Variants in GRIP1 observed in about 807,000 individuals in gnomAD.
The protein encoded by GRIP1 is glutamate receptor interacting protein 1.
Under a neutral mutation model 129.9 loss-of-function variants are expected in GRIP1, and 45 were observed. The observed-to-expected ratio is 0.35, with a 90% CI of 0.27 to 0.44. The LOEUF (loss-of-function observed/expected upper bound fraction) is 0.44, where lower values mean the gene tolerates loss of function less well. GRIP1 is among the 20% of genes least tolerant of loss of function. The pLI is 1.00. For missense variants in GRIP1, 1,196 were observed against 1,396.8 expected (o/e 0.86, Z 2.29); for synonymous variants, 530 against 520.8 (o/e 1.02, Z -0.24).
At chr12:66,597,338 A>T (rs1592622143) in intron 1 of GRIP1, among the ~76,000 whole-genome samples, 1 of 152,224 alleles carries the variant, frequency 6.6e-6, no homozygotes, top group African/African-American at 2.4e-5. Context: ...ATAATCAGGT[A>T]GAAAGAAGAA....
At chr12:66,970,788 C>G (rs1739294938) in intron 1 of GRIP1, among the ~76,000 whole-genome samples, 1 of 152,074 alleles carries the variant, frequency 6.6e-6, no homozygotes, top group Non-Finnish European at 1.5e-5. Context: ...GTTTCTTAAC[C>G]TTTTTCCTCC....
At chr12:66,697,900 A>C (rs182736702) in intron 1 of GRIP1, among the ~76,000 whole-genome samples, 48 of 150,822 alleles carry the variant, frequency 3.2e-4, no homozygotes, top group Non-Finnish European at 3.1e-4. Context: ...CAACAAAGCG[A>C]AGTGCAACAA....
At chr12:66,398,432 C>G (rs1035570026) in intron 16 of GRIP1, among the ~76,000 whole-genome samples, 1 of 151,900 alleles carries the variant, frequency 6.6e-6, no homozygotes, top group African/African-American at 2.4e-5. Context: ...TAGCACTTTT[C>G]TAACATCTTT....
intron 6 of GRIP1, among the ~76,000 whole-genome samples, chr12:66,516,810 ATT>A (rs2060857818): frequency 6.6e-6 from 1 of 152,182 alleles, no homozygotes; most frequent in Non-Finnish European, 1.5e-5. Flanking sequence ...GTGTTTTCCT[ATT>A]TTCTAATTTT....
intron 1 of GRIP1, among the ~76,000 whole-genome samples, chr12:66,651,509 A>G (rs1266520997): frequency 6.6e-6 from 1 of 152,166 alleles, no homozygotes; most frequent in African/African-American, 2.4e-5. Context: ...AATACTCATG[A>G]TTGTTGTTCT....
chr12:66,364,546 T>C (rs2055023034), intron 23 of GRIP1, among the ~76,000 whole-genome samples: 1 of 152,060 alleles, frequency 6.6e-6, no homozygotes, highest in African/African-American at 2.4e-5. Context: ...CAAAGTAAAT[T>C]AACAGTTTAT....
chr12:66,628,927 A>G (rs1184827802), intron 1 of GRIP1, among the ~76,000 whole-genome samples: 1 of 152,228 alleles, frequency 6.6e-6, no homozygotes, highest in Non-Finnish European at 1.5e-5. Flanking sequence ...CCAAAAGGGC[A>G]GGGACTAAGT....
At chr12:66,830,831 A>ATTTTTTTTT (rs113993317) in intron 1 of GRIP1, among the ~76,000 whole-genome samples, 1 of 139,024 alleles carries the variant, frequency 7.2e-6, no homozygotes. Context: ...TGGTATCTGA[A>ATTTTTTTTT]TTTTTTTTTT....
At chr12:66,618,555 G>A (rs1397262292) in intron 1 of GRIP1, among the ~76,000 whole-genome samples, 1 of 152,018 alleles carries the variant, frequency 6.6e-6, no homozygotes, top group Non-Finnish European at 1.5e-5. Flanking sequence ...AAGCATGATT[G>A]ATTAGGATGT....
intron 11 of GRIP1, among the ~76,000 whole-genome samples, chr12:66,446,524 C>T (rs1052793492): frequency 6.6e-6 from 1 of 152,212 alleles, no homozygotes; most frequent in Non-Finnish European, 1.5e-5. Flanking sequence ...ACTCCTTGCT[C>T]TCCACATACG....
intron 1 of GRIP1, among the ~76,000 whole-genome samples, chr12:66,986,967 C>G (rs2042322183): frequency 6.6e-6 from 1 of 151,914 alleles, no homozygotes; most frequent in Non-Finnish European, 1.5e-5. Flanking sequence ...TCTAAAGAGA[C>G]AGTATATAAG....
intron 19 of GRIP1, among the ~76,000 whole-genome samples, chr12:66,385,139 C>T (rs2056298565): frequency 6.6e-6 from 1 of 152,004 alleles, no homozygotes; most frequent in Non-Finnish European, 1.5e-5. Flanking sequence ...GGTGTAAGCA[C>T]ATGAAATACA....
chr12:66,901,969 C>G (rs1055276688), intron 1 of GRIP1, among the ~76,000 whole-genome samples: 2 of 152,186 alleles, frequency 1.3e-5, no homozygotes, highest in African/African-American at 4.8e-5. Context: ...TGAGTTGATC[C>G]TTCAGATCAT....
At chr12:66,352,283 C>A (rs2054266545) in intron 24 of GRIP1, among the ~76,000 whole-genome samples, 1 of 152,076 alleles carries the variant, frequency 6.6e-6, no homozygotes, top group Admixed American at 6.6e-5. Flanking sequence ...GTTTAAGTCG[C>A]AGCATGTGAG....
At chr12:66,372,788 A>C (rs1233770190) in intron 22 of GRIP1, among the ~76,000 whole-genome samples, 1 of 152,152 alleles carries the variant, frequency 6.6e-6, no homozygotes, top group Non-Finnish European at 1.5e-5. Context: ...AACCAATATC[A>C]AGTAGTGGAT....
chr12:66,614,216 A>G (rs2064938150), intron 1 of GRIP1, among the ~76,000 whole-genome samples: 1 of 152,016 alleles, frequency 6.6e-6, no homozygotes, highest in Admixed American at 6.6e-5. Context: ...AAATGCTAAA[A>G]GCTCTCATGT....
intron 14 of GRIP1, among the ~76,000 whole-genome samples, chr12:66,429,595 T>A (rs1243939385): frequency 1.3e-5 from 2 of 151,624 alleles, no homozygotes; most frequent in African/African-American, 4.8e-5. Flanking sequence ...ACTTGGGAGG[T>A]TAAAGTGGGA....
At chr12:66,362,804 C>T (rs766484908) in intron 23 of GRIP1, among the ~76,000 whole-genome samples, 1 of 151,812 alleles carries the variant, frequency 6.6e-6, no homozygotes, top group Admixed American at 6.5e-5. Flanking sequence ...ATAAGGCACA[C>T]TAGACACTAG....
intron 23 of GRIP1, among the ~76,000 whole-genome samples, chr12:66,357,185 A>AT (rs1004166548): frequency 6.6e-6 from 1 of 152,096 alleles, no homozygotes; most frequent in African/African-American, 2.4e-5. Flanking sequence ...CCTCAAAAAC[A>AT]TTTTTTTAAG....
Sources: gnomAD v4.1 joint callset for allele counts (sites outside exome capture counted in the v4.1 genomes callset) on GRCh38, gnomAD v4.1.1 for gene constraint, MANE v1.5 for transcripts, NCBI Gene and HGNC (gene_info 2026-07-23, HGNC 2026-07-21) for gene names.